The following DMD variants were observed in gnomAD, a reference collection of about 807,000 sequenced individuals.
DMD encodes the protein mutant dystrophin.
In DMD, 63 loss-of-function variants were observed where a neutral mutation model predicts 330.1. That is an observed-to-expected ratio of 0.19 (90% CI 0.16 to 0.24). DMD has a LOEUF of 0.24. Among genes scored for constraint, DMD ranks in the 10% least tolerant of loss-of-function variants. DMD has a pLI of 1.00. For synonymous variants in DMD, 1,223 were observed against 959.8 expected (o/e 1.27, Z -5.07); for missense variants, 3,344 against 2,684.1 (o/e 1.25, Z -5.43).
chrX:32,331,862 A>G (rs1359803647), intron 41 of DMD, among the ~76,000 whole-genome samples: 1 of 111,954 alleles, frequency 8.9e-6, no homozygotes, highest in East Asian at 2.8e-4. Context: ...TTACAAGAAT[A>G]TTAAACTGTA....
chrX:31,201,191 ACACACACG>A (rs1426571310), intron 67 of DMD, among the ~76,000 whole-genome samples: 8 of 93,764 alleles, frequency 8.5e-5, no homozygotes, highest in Admixed American at 3.3e-4. Flanking sequence ...ACACACACAC[ACACACACG>A]CACACACACA....
intron 11 of DMD, among the ~76,000 whole-genome samples, chrX:32,624,530 T>C (rs746344444): frequency 8.9e-6 from 1 of 111,886 alleles, no homozygotes; most frequent in African/African-American, 3.2e-5. Flanking sequence ...CTTATGATTG[T>C]GCCCAGTGTT....
chrX:33,185,863 T>C (rs1367438263), intron 1 of DMD, among the ~76,000 whole-genome samples: 2 of 112,365 alleles, frequency 1.8e-5, no homozygotes, highest in Non-Finnish European at 3.8e-5. Flanking sequence ...GACTGCATGT[T>C]AAAGAAGTTC....
intron 2 of DMD, among the ~76,000 whole-genome samples, chrX:33,013,366 G>A (rs926264313): frequency 1.8e-5 from 2 of 111,301 alleles, no homozygotes; most frequent in Admixed American, 1.9e-4. Flanking sequence ...GAGGATTTCC[G>A]TAAGTTTCCT....
chrX:33,019,221 T>C, intron 2 of DMD, among the ~76,000 whole-genome samples: 1 of 111,757 alleles, frequency 8.9e-6, no homozygotes, highest in Non-Finnish European at 1.9e-5. Context: ...GGCATTTTAG[T>C]AGAAATTTTC....
chrX:31,185,226 A>C (rs947864384), intron 67 of DMD, among the ~76,000 whole-genome samples: 1 of 111,922 alleles, frequency 8.9e-6, no homozygotes, highest in African/African-American at 3.3e-5. Context: ...CCTGTGATTT[A>C]GAGTCTTTAA....
chrX:31,602,321 GTTT>G (rs773800072), intron 55 of DMD, among the ~76,000 whole-genome samples: 2 of 91,875 alleles, frequency 2.2e-5, no homozygotes, highest in African/African-American at 7.7e-5. Context: ...CCTTTCTCCA[GTTT>G]TTTTTTTTTT....
chrX:32,761,277 A>G (rs2072253452), intron 7 of DMD, among the ~76,000 whole-genome samples: 1 of 112,069 alleles, frequency 8.9e-6, no homozygotes, highest in Admixed American at 9.5e-5. Context: ...CCAGTATATA[A>G]TCTGCTCATT....
intron 60 of DMD, among the ~76,000 whole-genome samples, chrX:31,427,672 G>A (rs1200911185): frequency 8.9e-6 from 1 of 111,896 alleles, no homozygotes; most frequent in Non-Finnish European, 1.9e-5. Flanking sequence ...TGGTGGTGGT[G>A]AGGGGCATCC....
At chrX:31,976,574 C>A (rs2095437583) in intron 44 of DMD, among the ~76,000 whole-genome samples, 2 of 110,770 alleles carry the variant, frequency 1.8e-5, no homozygotes, top group Admixed American at 1.9e-4. Context: ...TCATAATTAG[C>A]ATAATGTAGA....
At chrX:32,531,284 A>C (rs1328028035) in intron 17 of DMD, among the ~76,000 whole-genome samples, 1 of 111,714 alleles carries the variant, frequency 9.0e-6, no homozygotes, top group Non-Finnish European at 1.9e-5. Flanking sequence ...CACAGTTTGG[A>C]GAGTCATGCT....
chrX:32,399,551 A>G lies in DMD; in HGVS notation c.4234-9370T>C, dbSNP rs191725855. On this transcript the variant is annotated intron_variant, in intron 30 of 78. Coordinates refer to ENST00000357033, the MANE Select transcript of DMD (RefSeq NM_004006.3). ...GTGAGATATAATCTCACTTCAACTC[A>G]AATGGTTTTATTTATAAAACAAGCA... Among the ~76,000 whole-genome samples the G allele has an allele frequency of 2.4e-4, 27 of 111,493 alleles. 1 individual carries two copies. In the East Asian group the frequency reaches 7.7e-3, roughly 32 times the overall value.
At chrX:32,781,346 A>G (rs190852582) in intron 7 of DMD, among the ~76,000 whole-genome samples, 20 of 111,490 alleles carry the variant, frequency 1.8e-4, no homozygotes, top group African/African-American at 5.9e-4. Context: ...GTTGGATTAA[A>G]TATCAATGAT....
chrX:33,249,220 G>A (rs1048563548), intron 1 of DMD, among the ~76,000 whole-genome samples: 2 of 111,818 alleles, frequency 1.8e-5, no homozygotes, highest in African/African-American at 3.3e-5. Context: ...GCACAATCTC[G>A]GCTCATTGCG....
intron 59 of DMD, among the ~76,000 whole-genome samples, chrX:31,469,975 T>C (rs776012520): frequency 9.0e-6 from 1 of 111,388 alleles, no homozygotes; most frequent in East Asian, 2.8e-4. Flanking sequence ...TATTGATACT[T>C]GTGTATGCTT....
chrX:32,602,229 G>A (rs181361223), intron 12 of DMD, among the ~76,000 whole-genome samples: 90 of 111,920 alleles, frequency 8.0e-4, no homozygotes, highest in African/African-American at 2.9e-3. Flanking sequence ...GCAGACATAT[G>A]TCATGGAGTG....
At chrX:32,755,964 C>G (rs1003301149) in intron 7 of DMD, among the ~76,000 whole-genome samples, 4 of 112,307 alleles carry the variant, frequency 3.6e-5, no homozygotes, top group African/African-American at 1.3e-4. Context: ...ATTGTGATTG[C>G]AAATATTAAG....
At chrX:31,161,127 G>A (rs2148084029) in intron 74 of DMD, among the ~76,000 whole-genome samples, 1 of 111,413 alleles carries the variant, frequency 9.0e-6, no homozygotes, top group South Asian at 3.9e-4. Context: ...ATCACTCAAA[G>A]GACAGCTATT....
chrX:32,837,141 T>C (rs1490132826), intron 4 of DMD, among the ~76,000 whole-genome samples: 2 of 111,938 alleles, frequency 1.8e-5, no homozygotes, highest in Admixed American at 1.9e-4. Flanking sequence ...GTTCTCGGCA[T>C]GCAGATTCTC....
Sources: allele counts gnomAD v4.1 joint callset (sites outside exome capture counted in the v4.1 genomes callset), GRCh38; gene constraint gnomAD v4.1.1; transcripts MANE v1.5; gene names NCBI Gene and HGNC (gene_info 2026-07-23, HGNC 2026-07-21).